The following THOC2 variants were observed in gnomAD, a reference collection of about 807,000 sequenced individuals.
The protein encoded by THOC2 is THO complex 2.
In THOC2, 10 loss-of-function variants were observed where a neutral mutation model predicts 128.4. The ratio of observed to expected loss-of-function variants is 0.08; its 90% CI spans 0.05 to 0.13. The LOEUF (loss-of-function observed/expected upper bound fraction) is 0.13, where lower values mean the gene tolerates loss of function less well. Ranked by LOEUF, THOC2 falls within the 10% of genes least tolerant of loss-of-function variation. The pLI is 1.00. For missense variants in THOC2, 535 were observed against 1,155.7 expected, an observed-to-expected ratio of 0.46 and a Z score of 7.79; for synonymous variants, 393 against 396.9, an observed-to-expected ratio of 0.99 and a Z score of 0.12.
chrX:123,691,369 C>T (rs1421405032), intron 7 of THOC2, among the ~76,000 whole-genome samples: 1 of 111,789 alleles, frequency 8.9e-6, no homozygotes, highest in Admixed American at 9.5e-5. Flanking sequence ...GCCAACTTCC[C>T]TTTCAAAGAA....
At chrX:123,704,868 G>A (rs1294598626) in intron 3 of THOC2, among the ~76,000 whole-genome samples, 1 of 110,637 alleles carries the variant, frequency 9.0e-6, no homozygotes, top group African/African-American at 3.3e-5. Flanking sequence ...GGAGAAAAAA[G>A]AAAAGAAAAG....
intron 8 of THOC2, among the ~76,000 whole-genome samples, chrX:123,678,416 C>T (rs1351673346): frequency 1.8e-5 from 2 of 109,245 alleles, no homozygotes; most frequent in African/African-American, 3.3e-5. Flanking sequence ...CAGGTCTGCA[C>T]CACCAAGCCC....
intron 11 of THOC2, among the ~76,000 whole-genome samples, chrX:123,666,507 A>T (rs1193781367): frequency 4.5e-5 from 5 of 111,575 alleles, no homozygotes; most frequent in African/African-American, 1.6e-4. Context: ...CACAAAAGTC[A>T]CAAGGCTGAG....
At chrX:123,607,444 TTTTATTTATTTA>T (rs201176690) in intron 38 of THOC2, among the ~76,000 whole-genome samples, 95 of 97,796 alleles carry the variant, frequency 9.7e-4, no homozygotes, top group South Asian at 2.0e-3. Context: ...CCTAGCTAAG[TTTTATTTATTTA>T]TTTATTTATT....
Position 123,631,834 on chromosome X carries a change from G to A in THOC2, c.2335C>T (p.Gln779Ter). The part of the protein sequence containing the change: ...LYDQCHDTLV[Q>*]FGGFLASNLS... Reference sequence around the variant, plus strand: ...TTAGATGCTAAAAACCCACCAAACTGCACCAGGGTATCATGACACTAAATT... The same window carrying A: ...TTAGATGCTAAAAACCCACCAAACTACACCAGGGTATCATGACACTAAATT... The change falls in exon 22 of 39, where the codon CAG (glutamine) becomes TAG (stop). Residue 779 changes from glutamine (Q) to a stop codon, truncating the protein, a stop_gained. Transcript: ENST00000245838. LOFTEE classifies it high-confidence loss of function. The A allele has an allele frequency of 1.7e-6, 2 of 1,198,263 alleles. No individual in the cohort carries two copies. Among genetic ancestry groups the A allele is most frequent in the East Asian group, 3.0e-5 (1 of 33,334 alleles).
intron 30 of THOC2, among the ~76,000 whole-genome samples, chrX:123,621,938 T>C (rs1463431577): frequency 9.1e-6 from 1 of 110,419 alleles, no homozygotes; most frequent in Non-Finnish European, 1.9e-5. Flanking sequence ...CCAGCTACTC[T>C]GGAGGCTGAG....
chrX:123,707,018 C>G (rs1258515100), intron 2 of THOC2, 69 bp from the exon 3 acceptor site: 1 of 437,904 alleles, frequency 2.3e-6, no homozygotes, highest in African/African-American at 2.6e-5. Flanking sequence ...CTATATATTT[C>G]CTACGTCTCA....
chrX:123,732,841 G>T, intron 1 of THOC2, 111 bp downstream of exon 1: 1 of 857,517 alleles, frequency 1.2e-6, no homozygotes, highest in Non-Finnish European at 1.7e-6. Flanking sequence ...CCCGCCGCCC[G>T]GGTGGGGGAG....
intron 2 of THOC2, among the ~76,000 whole-genome samples, chrX:123,708,055 A>G (rs776838265): frequency 9.1e-6 from 1 of 110,232 alleles, no homozygotes; most frequent in South Asian, 3.9e-4. Flanking sequence ...TAAGCCCAGG[A>G]GATCAAAGTT....
At chrX:123,717,825 CA>C (rs2051497688) in intron 1 of THOC2, among the ~76,000 whole-genome samples, 1 of 112,330 alleles carries the variant, frequency 8.9e-6, no homozygotes, top group African/African-American at 3.2e-5. Context: ...GACCATCTCC[CA>C]CACACACCAA....
chrX:123,626,777 A>T, intron 23 of THOC2, 115 bp from the exon 24 acceptor site: 3 of 681,420 alleles, frequency 4.4e-6, no homozygotes, highest in South Asian at 6.3e-5. Context: ...TAACATGAAT[A>T]TAGGTCCACT....
intron 12 of THOC2, among the ~76,000 whole-genome samples, chrX:123,656,358 G>A (rs2048583033): frequency 9.8e-6 from 1 of 101,999 alleles, no homozygotes; most frequent in African/African-American, 3.6e-5. Flanking sequence ...AAAAAAGAGA[G>A]AGAGAGAGAG....
At chrX:123,632,489 CAAA>C (rs11324625) in intron 21 of THOC2, among the ~76,000 whole-genome samples, 17 of 35,131 alleles carry the variant, frequency 4.8e-4, no homozygotes, top group African/African-American at 1.1e-3. Context: ...GGCTTTGTCT[CAAA>C]AAAAAAAAAA....
chrX:123,673,317 C>T (rs181644611), intron 8 of THOC2, among the ~76,000 whole-genome samples: 11 of 111,322 alleles, frequency 9.9e-5, no homozygotes, highest in East Asian at 5.6e-4. Context: ...CCAGCCTGGG[C>T]GACAAAGAGA....
At chrX:123,611,616 AACTT>A (rs1190020190) in intron 36 of THOC2, 100 bp from the exon 37 acceptor site, 5 of 496,188 alleles carry the variant, frequency 1.0e-5, no homozygotes, top group Non-Finnish European at 1.7e-5. Context: ...TGTCTTCAAA[AACTT>A]ACTTAACATG....
rs1025452744 is a variant in THOC2, at chrX:123,634,244, C to T, written c.2019-174G>A. On this transcript the variant is annotated intron_variant, in intron 19 of 38. Transcript: ENST00000245838. Reference sequence around the variant, plus strand: ...GAACTATATTGACAAATACTTGGTGCGTAAGTTTATTTTAACTTTTACTTG... The same window carrying T: ...GAACTATATTGACAAATACTTGGTGTGTAAGTTTATTTTAACTTTTACTTG... Among the ~76,000 whole-genome samples the T allele has an allele frequency of 4.5e-5, 5 of 111,598 alleles. No individual in the cohort carries two copies. The Admixed American group carries it at 4.8e-4, about 11-fold the overall frequency.
intron 12 of THOC2, among the ~76,000 whole-genome samples, chrX:123,661,656 T>C (rs1319777644): frequency 9.0e-6 from 1 of 111,213 alleles, no homozygotes; most frequent in Non-Finnish European, 1.9e-5. Context: ...ACTTAGAATG[T>C]TCCCAACATT....
chrX:123,610,699 TA>T (rs887404364), intron 38 of THOC2, among the ~76,000 whole-genome samples: 65 of 108,522 alleles, frequency 6.0e-4, no homozygotes, highest in South Asian at 1.2e-3. Context: ...TCTTGGTGCT[TA>T]AAAAAAAAAT....
chrX:123,676,854 CTTA>C (rs1394491835), intron 8 of THOC2, among the ~76,000 whole-genome samples: 2 of 111,808 alleles, frequency 1.8e-5, no homozygotes, highest in Non-Finnish European at 3.8e-5. Context: ...TATCCTAAAT[CTTA>C]TTATTACCAC....
Sources: gnomAD v4.1 joint callset for allele counts (sites outside exome capture counted in the v4.1 genomes callset) on GRCh38, gnomAD v4.1.1 for gene constraint, MANE v1.5 for transcripts, NCBI Gene and HGNC (gene_info 2026-07-23, HGNC 2026-07-21) for gene names.